TEAD3: variants seen among roughly 807,000 people sequenced by gnomAD.
TEAD3 encodes the protein TEA domain transcription factor 3.
A neutral mutation model predicts 55.6 loss-of-function variants in TEAD3; 15 were observed. That is an observed-to-expected ratio of 0.27 (90% confidence interval 0.18 to 0.42). The LOEUF is 0.42. Ranked by LOEUF, TEAD3 falls within the 10% of genes least tolerant of loss-of-function variation. The pLI is 1.00. For synonymous variants in TEAD3, 210 were observed against 232.2 expected, an observed-to-expected ratio of 0.90 and a Z score of 0.87; for missense variants, 407 against 576.8, an observed-to-expected ratio of 0.71 and a Z score of 3.01.
rs1257355860 is a variant in TEAD3 at position 35,486,232 on chromosome 6, G to A, written c.202+229C>T. ...AAACCTCCAGGCCGGTAGCGGGGAG[G>A]AGAGGAGGAGCAGGCGGGGGTGCCA... On this transcript the variant is annotated intron_variant, in intron 2 of 12. Coordinates refer to ENST00000639578, the Ensembl canonical transcript of TEAD3. The surrounding 1 kb of genome is among the most constrained non-coding windows in gnomAD (Gnocchi z 7.3). Among the ~76,000 whole-genome samples the A allele has an allele frequency of 6.6e-6, 1 of 152,248 alleles. No individual in the cohort carries two copies. Among genetic ancestry groups the A allele is most frequent in the East Asian group, 1.9e-4 (1 of 5,172 alleles).
intron 1 of TEAD3, among the ~76,000 whole-genome samples, chr6:35,494,589 G>A (rs778429793): frequency 5.9e-5 from 9 of 152,092 alleles, no homozygotes; most frequent in Non-Finnish European, 1.2e-4. Context: ...GCCCCCATGT[G>A]GGAAGAAGAG....
rs575151279 is a variant in TEAD3, at chr6:35,491,685, C to A, written c.-49-4974G>T. ...CAGTCTGCCTTCACCCTCATCCTGA[C>A]CAGCCACACCCGCTTCCCCTCTCCC... On this transcript the variant is annotated intron_variant, in intron 1 of 12. Coordinates refer to ENST00000639578, the Ensembl canonical transcript of TEAD3. This position sits in a 1 kb window ranked among gnomAD's most constrained non-coding sequence, Gnocchi z 4.4. Among the ~76,000 whole-genome samples the A allele has an allele frequency of 6.6e-6, 1 of 152,352 alleles. No individual in the cohort carries two copies. The highest frequency in any genetic ancestry group is 2.1e-4 in the South Asian group (1 of 4,832).
At chr6:35,480,065 G>T in exon 4 of TEAD3, 1 of 1,522,092 alleles carries the variant, frequency 6.6e-7, no homozygotes, top group Non-Finnish European at 8.9e-7. Flanking sequence ...CGTACCTTCA[G>T]CTTAGACTGA....
Position 35,477,492 on chromosome 6 carries a change from C to T in TEAD3, c.531-120G>A, listed in dbSNP as rs139150418. 4.7e-3 allele frequency: 4,109 copies of T among 871,512 alleles called. 264 individuals carry two copies. The Admixed American group carries it at 0.1, about 21-fold the overall frequency. 54.0% of individuals were successfully genotyped at this position (871,512 alleles called of 1,614,324 possible). A position where few individuals can be genotyped will look rare whatever the true frequency, so the allele number is the denominator to read the frequency against. On this transcript the variant is annotated intron_variant, in intron 7 of 12. Transcript: ENST00000639578. ...CAGCCTTTCTGCTGAGGCCCAGAAA[C>T]GCATGCTGAAAAGCTAACTCGCAAG...
At chr6:35,476,365 G>A in exon 9 of TEAD3, 2 of 1,612,870 alleles carry the variant, frequency 1.2e-6, no homozygotes, top group Non-Finnish European at 1.7e-6. Context: ...GCCGGGAGGA[G>A]GCAATGGTAC....
At chr6:35,480,217 A>T (rs561947277) in intron 3 of TEAD3, 95 bp downstream of exon 4, 23 of 1,559,398 alleles carry the variant, frequency 1.5e-5, no homozygotes, top group Middle Eastern at 1.7e-4. Context: ...GTGGGGCTGG[A>T]GAGCTGGCCA....
intron 1 of TEAD3, among the ~76,000 whole-genome samples, chr6:35,494,329 C>A (rs571768186): frequency 6.6e-6 from 1 of 152,338 alleles, no homozygotes; most frequent in South Asian, 2.1e-4. Flanking sequence ...GGGGGATGAA[C>A]CTCTCTGGCC....
Position 35,475,510 on chromosome 6 carries a change from C to A in TEAD3, c.1042-22G>T. The A allele has an allele frequency of 1.2e-6, 2 of 1,605,484 alleles. No individual in the cohort carries two copies. Among genetic ancestry groups the A allele is most frequent in the Non-Finnish European group, 8.5e-7 (1 of 1,173,674 alleles). ...CAGTCTGCAGAGAATATGGAGAAGG[C>A]GTCACTCGGCCTGCCTGCTCCCAGC... On this transcript the variant is annotated intron_variant, in intron 11 of 12. Coordinates refer to ENST00000639578, the Ensembl canonical transcript of TEAD3. The surrounding 1 kb of genome is among the most constrained non-coding windows in gnomAD (Gnocchi z 5.4).
intron 1 of TEAD3, among the ~76,000 whole-genome samples, chr6:35,494,362 C>T (rs1459841590): frequency 6.6e-6 from 1 of 152,204 alleles, no homozygotes; most frequent in Non-Finnish European, 1.5e-5. Flanking sequence ...TCCTGTGGGT[C>T]GGGGAAGACA....
At chr6:35,494,556 C>T (rs930848172) in intron 1 of TEAD3, among the ~76,000 whole-genome samples, 2 of 152,194 alleles carry the variant, frequency 1.3e-5, no homozygotes, top group African/African-American at 4.8e-5. Flanking sequence ...CAGGGCCACC[C>T]CTGGGACCCC....
At position 35,477,363 on chromosome 6, in the gene TEAD3, G is replaced by C. The variant is rs1768171571; in HGVS notation, c.540C>G (p.Pro180=). 1.9e-6 allele frequency: 3 copies of C among 1,602,060 alleles called. No homozygotes were observed. In the South Asian group the frequency reaches 3.3e-5, roughly 18 times the overall value. ...GGATGGGGTAGGCTGGCTGTGCAAA[G>C]GGCTTGATGCTGCAGACAGGAGCAC... The change falls in exon 8 of 13, where the codon CCC becomes CCG. Residue 180 remains proline, a synonymous_variant. Coordinates refer to ENST00000639578, the Ensembl canonical transcript of TEAD3.
At chr6:35,479,453 C>T (rs1768223704) in intron 4 of TEAD3, 137 bp from the exon 5 acceptor site, 1 of 1,057,316 alleles carries the variant, frequency 9.5e-7, no homozygotes, top group Admixed American at 2.2e-5. Flanking sequence ...GCTCAGCAGA[C>T]CCTCCCCGTC....
intron 1 of TEAD3, among the ~76,000 whole-genome samples, chr6:35,489,181 C>G (rs192063833): frequency 6.6e-6 from 1 of 152,326 alleles, no homozygotes; most frequent in African/African-American, 2.4e-5. Context: ...ATATGCCAGG[C>G]ACTGTTCTGG....
rs1254242431 is a variant in TEAD3 at position 35,496,193 on chromosome 6, G to A, written c.-50+705C>T. 6.6e-6 allele frequency among the ~76,000 whole-genome samples: 1 copy of A among 152,218 alleles called. No individual in the cohort carries two copies. The highest frequency in any genetic ancestry group is 2.4e-5 in the African/African-American group (1 of 41,466). On this transcript the variant is annotated intron_variant, in intron 1 of 12. Transcript: ENST00000639578. The surrounding 1 kb of genome is among the most constrained non-coding windows in gnomAD (Gnocchi z 4.8). The stretch of plus-strand genomic sequence containing the variant: ...TGTCAAGTCTAAACAAGGGCCCTGA[G>A]CAAGTGTGGGGAAGAAAAGGCCCCA...
chr6:35,478,568 G>T (rs1381144312), exon 6 of TEAD3: 2 of 1,587,404 alleles, frequency 1.3e-6, no homozygotes, highest in South Asian at 1.1e-5. Flanking sequence ...TTGGAGACCT[G>T]GTCCTGGGGA....
intron 1 of TEAD3, among the ~76,000 whole-genome samples, chr6:35,492,938 G>C (rs1025846845): frequency 3.9e-5 from 6 of 152,198 alleles, no homozygotes; most frequent in Admixed American, 3.9e-4. Context: ...TATCCAGTGA[G>C]AGACAGACTA....
intron 7 of TEAD3, 148 bp downstream of exon 7, chr6:35,478,127 G>C: frequency 1.1e-6 from 1 of 951,074 alleles, no homozygotes; most frequent in Non-Finnish European, 1.6e-6. Flanking sequence ...TGCTAGGATT[G>C]ATTACAGGTG....
chr6:35,493,374 C>G (rs1049434319), intron 1 of TEAD3, among the ~76,000 whole-genome samples: 20 of 152,168 alleles, frequency 1.3e-4, no homozygotes, highest in Non-Finnish European at 2.9e-4. Flanking sequence ...GCCTCCTACA[C>G]GCCCTGCCTG....
chr6:35,490,060 C>G (rs1381595926), intron 1 of TEAD3, among the ~76,000 whole-genome samples: 1 of 152,042 alleles, frequency 6.6e-6, no homozygotes, highest in African/African-American at 2.4e-5. Context: ...CTACAATGAG[C>G]TAAGGCCCCT....
Sources: gnomAD v4.1 joint callset for allele counts (sites outside exome capture counted in the v4.1 genomes callset) on GRCh38, gnomAD v4.1.1 for gene constraint, Gnocchi (gnomAD v3.1) non-coding constraint, MANE v1.5 for transcripts, NCBI Gene and HGNC (gene_info 2026-07-23, HGNC 2026-07-21) for gene names.